TINAG: variants seen among roughly 807,000 people sequenced by gnomAD.
The protein encoded by TINAG is tubulointerstitial nephritis antigen.
TINAG carries 83 observed loss-of-function variants against 72.7 expected under a neutral mutation model. The observed-to-expected ratio is 1.14, with a 90% confidence interval of 0.96 to 1.37. The LOEUF is 1.37. Among genes scored for constraint, TINAG ranks in the 40% most tolerant of loss-of-function variants. TINAG has a pLI of 0.00. For synonymous variants in TINAG, 234 were observed against 189.9 expected (o/e 1.23, Z -1.91); for missense variants, 685 against 576.6 (o/e 1.19, Z -1.93).
At chr6:54,334,177 T>C (rs1359539385) in intron 4 of TINAG, among the ~76,000 whole-genome samples, 2 of 152,178 alleles carry the variant, frequency 1.3e-5, no homozygotes, top group Non-Finnish European at 2.9e-5. Context: ...CCAGTTGAGA[T>C]ATTGATTGTA....
chr6:54,374,898 A>C, intron 9 of TINAG, among the ~76,000 whole-genome samples: 1 of 151,612 alleles, frequency 6.6e-6, no homozygotes, highest in East Asian at 1.9e-4. Flanking sequence ...CCACTGTTTT[A>C]AAACTGTTTT....
intron 10 of TINAG, among the ~76,000 whole-genome samples, chr6:54,381,967 A>T (rs9474827): frequency 0.084 from 12,814 of 151,932 alleles, 954 homozygotes; most frequent in East Asian, 0.3. Flanking sequence ...GATCATTCCC[A>T]CCCTAGATCC....
chr6:54,318,327 T>C (rs1246103612), intron 1 of TINAG, among the ~76,000 whole-genome samples: 1 of 152,176 alleles, frequency 6.6e-6, no homozygotes, highest in Admixed American at 6.6e-5. Context: ...GCAGTCTTGA[T>C]TTCTTGACAC....
intron 4 of TINAG, among the ~76,000 whole-genome samples, chr6:54,336,083 T>C (rs1784859273): frequency 6.6e-6 from 1 of 152,090 alleles, no homozygotes; most frequent in Non-Finnish European, 1.5e-5. Flanking sequence ...GCTTAAGTCA[T>C]TATTCCCGTA....
chr6:54,320,271 C>T (rs1784459215), intron 1 of TINAG, among the ~76,000 whole-genome samples: 1 of 152,014 alleles, frequency 6.6e-6, no homozygotes, highest in Non-Finnish European at 1.5e-5. Flanking sequence ...ATATTGTTTA[C>T]TTACTTAAAA....
chr6:54,383,104 G>A (rs577977853), intron 10 of TINAG, among the ~76,000 whole-genome samples: 32 of 152,232 alleles, frequency 2.1e-4, no homozygotes, highest in South Asian at 4.1e-4. Flanking sequence ...GAGGAGATAA[G>A]AGAAGTTTTG....
At position 54,347,268 on chromosome 6, in the gene TINAG, T is replaced by C. The variant is rs1785144492; in HGVS notation, c.749-99T>C. 3.4e-6 allele frequency: 4 copies of C among 1,179,148 alleles called. No individual in the cohort carries two copies. The East Asian group carries it at 7.7e-5, about 23-fold the overall frequency. The allele number at this position is 1,179,148 out of a possible 1,614,324, so 73.0% of individuals were successfully genotyped here. A position where few individuals can be genotyped will look rare whatever the true frequency, so the allele number is the denominator to read the frequency against. On this transcript the variant is annotated intron_variant, in intron 5 of 10. Transcript: ENST00000259782. ...GGCTTTAATTATAAATTATACACAGTTTTAAAGACTACGTTAGGGTTCAAA... is the reference window on the plus strand; with the variant it reads ...GGCTTTAATTATAAATTATACACAGCTTTAAAGACTACGTTAGGGTTCAAA...
chr6:54,380,914 TTTG>T (rs1330393861), intron 10 of TINAG, among the ~76,000 whole-genome samples: 1 of 149,738 alleles, frequency 6.7e-6, no homozygotes, highest in East Asian at 2.0e-4. Flanking sequence ...ACTTGATGCT[TTTG>T]TTATGTTAGT....
chr6:54,325,432 C>T (rs1477877709), intron 3 of TINAG, among the ~76,000 whole-genome samples: 2 of 152,126 alleles, frequency 1.3e-5, no homozygotes, highest in Middle Eastern at 3.2e-3. Flanking sequence ...ATAGGTTAGT[C>T]ATACCTTTCA....
rs796732539 is a variant in TINAG at position 54,360,978 on chromosome 6, C to T, written c.1250+6342C>T. Among the ~76,000 whole-genome samples, 8 of 146,958 alleles carry T rather than the reference C, an allele frequency of 5.4e-5. No individual in the cohort carries two copies. The East Asian group carries it at 1.7e-3, about 31-fold the overall frequency. On this transcript the variant is annotated intron_variant, in intron 9 of 10. Transcript: ENST00000259782. ...CTCTGTGTTACATTTTGGTAATTCT[C>T]ACAATATTTCAAACTTTTCCATTAT...
chr6:54,354,426 C>A, intron 8 of TINAG, 87 bp from the exon 9 acceptor site: 1 of 1,232,912 alleles, frequency 8.1e-7, no homozygotes, highest in African/African-American at 1.6e-5. Context: ...TGCAATTTAC[C>A]CATTGGTTGT....
chr6:54,330,711 A>T (rs1784718848), intron 4 of TINAG, among the ~76,000 whole-genome samples: 1 of 152,174 alleles, frequency 6.6e-6, no homozygotes, highest in Non-Finnish European at 1.5e-5. Context: ...ACCGCTAGCC[A>T]GATTAATAAA....
chr6:54,343,341 C>G lies in TINAG; in HGVS notation c.740C>G (p.Ser247Cys). The G allele has an allele frequency of 6.5e-7, 1 of 1,541,682 alleles. No homozygotes were observed. Among genetic ancestry groups the G allele is most frequent in the Non-Finnish European group, 8.8e-7 (1 of 1,141,084 alleles). Residue 247 changes from serine (S) to cysteine (C), a missense_variant, in exon 5 of 11, where the codon TCC becomes TGC. By Grantham distance (112) the Ser-to-Cys change is moderately radical. Coordinates refer to ENST00000259782, the MANE Select transcript of TINAG (RefSeq NM_014464.4). ...QKNCAASWAF[S>C]TASVAADRIA... The stretch of plus-strand genomic sequence containing the variant: ...AATTGTGCTGCATCCTGGGCATTTT[C>G]CACTGCAAGTAATAAAGTCATTTTA...
intron 6 of TINAG, 43 bp downstream of exon 6, chr6:54,347,560 G>A (rs564863934): frequency 5.0e-6 from 8 of 1,601,018 alleles, no homozygotes; most frequent in Non-Finnish European, 6.8e-6. Context: ...TTTTATGAAT[G>A]ATGCATTGTG....
intron 9 of TINAG, among the ~76,000 whole-genome samples, chr6:54,359,915 A>G (rs569123713): frequency 1.3e-5 from 2 of 151,910 alleles, no homozygotes; most frequent in African/African-American, 4.8e-5. Context: ...AGAGAACTTA[A>G]TATACTCCTA....
rs776745592 is a variant in TINAG, at chr6:54,347,417, A to C, written c.799A>C (p.Asn267His). The change falls in exon 6 of 11, where the codon AAT becomes CAT. Residue 267 changes from asparagine to histidine, a missense_variant. By Grantham distance (68) the Asn-to-His change is moderately conservative (BLOSUM62 1). Coordinates refer to ENST00000259782, the MANE Select transcript of TINAG (RefSeq NM_014464.4). ...TCAGTCTAAGGGTCGATACACGGCC[A>C]ATCTATCCCCTCAGAATTTGATCTC... is the stretch of plus-strand genomic sequence containing the variant. ...AIQSKGRYTA[N>H]LSPQNLISCC... 1.1e-5 allele frequency: 18 copies of C among 1,613,280 alleles called. No homozygotes were observed. The highest frequency in any genetic ancestry group is 1.2e-5 in the Non-Finnish European group (14 of 1,179,566).
intron 9 of TINAG, among the ~76,000 whole-genome samples, chr6:54,372,180 C>CG (rs1158687746): frequency 6.6e-6 from 1 of 151,500 alleles, no homozygotes; most frequent in Non-Finnish European, 1.5e-5. Context: ...TTAATAGAGA[C>CG]GGGGTTTCAC....
chr6:54,325,388 A>G (rs1784580542), intron 3 of TINAG, among the ~76,000 whole-genome samples: 1 of 152,206 alleles, frequency 6.6e-6, no homozygotes, highest in South Asian at 2.1e-4. Context: ...TTGGATTAAA[A>G]TGAAACTTAT....
At chr6:54,359,721 A>G (rs922588793) in intron 9 of TINAG, among the ~76,000 whole-genome samples, 17 of 151,852 alleles carry the variant, frequency 1.1e-4, no homozygotes, top group African/African-American at 3.1e-4. Flanking sequence ...TGGAAAATAT[A>G]TACTTTTTTA....
Sources: gnomAD v4.1 joint callset for allele counts (sites outside exome capture counted in the v4.1 genomes callset) on GRCh38, gnomAD v4.1.1 for gene constraint, MANE v1.5 for transcripts, NCBI Gene and HGNC (gene_info 2026-07-23, HGNC 2026-07-21) for gene names.